A2M: variants seen among roughly 807,000 people sequenced by gnomAD.
A2M encodes the protein C3 and PZP-like alpha-2-macroglobulin domain-containing protein 5.
A2M carries 128 observed loss-of-function variants against 183.9 expected under a neutral mutation model. That is an observed-to-expected ratio of 0.70 (90% confidence interval 0.60 to 0.81). A2M has a LOEUF of 0.81. Ranked by LOEUF, A2M falls within the 30% of genes least tolerant of loss-of-function variation. The pLI, the probability that A2M is intolerant of heterozygous loss-of-function variation, is 0.00. For synonymous variants in A2M, 592 were observed against 670.8 expected, an observed-to-expected ratio of 0.88 and a Z score of 1.81; for missense variants, 1,495 against 1,787.6, an observed-to-expected ratio of 0.84 and a Z score of 2.95.
intron 17 of A2M, 38 bp from the exon 18 acceptor site, chr12:9,093,617 A>C: frequency 8.2e-7 from 1 of 1,218,214 alleles, no homozygotes; most frequent in Non-Finnish European, 1.1e-6. Context: ...CAATAAACAT[A>C]CAGATAAAGC....
chr12:9,109,834 A>G (rs1162377486), intron 6 of A2M, 33 bp downstream of exon 6: 3 of 1,559,024 alleles, frequency 1.9e-6, no homozygotes. Flanking sequence ...ATATGAAGAA[A>G]AATAATGCTT....
At chr12:9,091,016 A>T (rs1406040835) in intron 19 of A2M, among the ~76,000 whole-genome samples, 185 bp downstream of exon 19, 1 of 152,208 alleles carries the variant, frequency 6.6e-6, no homozygotes, top group Non-Finnish European at 1.5e-5. Flanking sequence ...TTGAAGGGTT[A>T]TAAGGGCTAG....
Position 9,098,449 on chromosome 12 carries a change from T to TATATAA in A2M, c.1851+157_1851+158insTTATAT, listed in dbSNP as rs202027484. 95 of 381,456 alleles carry TATATAA rather than the reference T, an allele frequency of 2.5e-4. 1 individual carries two copies. The highest frequency in any genetic ancestry group is 2.0e-3 in the African/African-American group (84 of 42,966). The allele number at this position is 381,456 out of a possible 1,614,324, so 23.6% of individuals were successfully genotyped here. A position where few individuals can be genotyped will look rare whatever the true frequency, so the allele number is the denominator to read the frequency against. Reference sequence around the variant, plus strand: ...GAGTAGTTATATATATATATATATATAATTCCTTACCAATGAAAGCCCACA... The same window carrying TATATAA: ...GAGTAGTTATATATATATATATATATATATAAAATTCCTTACCAATGAAAGCCCACA... On this transcript the variant is annotated intron_variant, in intron 15 of 35. Transcript: ENST00000318602.
At chr12:9,106,638 A>G in intron 8 of A2M, 33 bp from the exon 9 acceptor site, 1 of 1,159,562 alleles carries the variant, frequency 8.6e-7, no homozygotes, top group Non-Finnish European at 1.3e-6. Context: ...ACAAAAATAT[A>G]ATGCATATTA....
At chr12:9,112,726 G>A (rs1938833570) in intron 2 of A2M, 190 bp from the exon 3 acceptor site, 1 of 588,622 alleles carries the variant, frequency 1.7e-6, no homozygotes, top group Non-Finnish European at 3.0e-6. Flanking sequence ...GACACAAGGT[G>A]GAGGAAAATA....
intron 1 of A2M, chr12:9,115,309 A>G (rs904346601): frequency 6.4e-6 from 1 of 155,132 alleles, no homozygotes; most frequent in African/African-American, 2.4e-5. Flanking sequence ...TGCTTTTTCA[A>G]TATCAACACC....
At chr12:9,093,874 C>T (rs1046302771) in intron 17 of A2M, among the ~76,000 whole-genome samples, 1 of 151,682 alleles carries the variant, frequency 6.6e-6, no homozygotes, top group Non-Finnish European at 1.5e-5. Context: ...ACCTGAGCGA[C>T]AGAGTGAGAC....
Position 9,089,962 on chromosome 12 carries a change from C to T in A2M, c.2658G>A (p.Glu886=), listed in dbSNP as rs777427583. 4 of 1,612,250 alleles carry T rather than the reference C, an allele frequency of 2.5e-6. No homozygotes were observed. The highest frequency in any genetic ancestry group is 2.2e-5 in the South Asian group (2 of 90,888). The part of the protein sequence containing the change: ...ALESQELCGT[E]VPSVPEHGRK... ...TTCCGTGTTCAGGAACTGAAGGCAC[C>T]TCAGTCCCACACAGCTCTTGAGACT... The change falls in exon 21 of 36, where the codon GAG becomes GAA. Residue 886 remains glutamate, a synonymous_variant. Coordinates refer to ENST00000318602, the MANE Select transcript of A2M (RefSeq NM_000014.6).
intron 31 of A2M, among the ~76,000 whole-genome samples, chr12:9,071,733 G>C (rs1164485569): frequency 6.6e-6 from 1 of 152,130 alleles, no homozygotes; most frequent in African/African-American, 2.4e-5. Context: ...CAAGGATAAT[G>C]ACCTCCATCT....
chr12:9,114,985 T>C (rs1461782605), intron 1 of A2M, among the ~76,000 whole-genome samples: 1 of 152,224 alleles, frequency 6.6e-6, no homozygotes, highest in Non-Finnish European at 1.5e-5. Flanking sequence ...CCAGTGAATT[T>C]ATGCATCCAT....
At chr12:9,090,617 T>G in intron 19 of A2M, 135 bp from the exon 20 acceptor site, 1 of 858,044 alleles carries the variant, frequency 1.2e-6, no homozygotes, top group Non-Finnish European at 1.8e-6. Flanking sequence ...GAAGATCAAG[T>G]ACCTGAAATA....
chr12:9,093,339 A>G (rs1949267349), intron 18 of A2M, 126 bp downstream of exon 18: 1 of 660,328 alleles, frequency 1.5e-6, no homozygotes, highest in Non-Finnish European at 2.7e-6. Flanking sequence ...GTGTATATAT[A>G]TATATCAAAA....
intron 15 of A2M, 137 bp downstream of exon 15, chr12:9,098,470 C>G (rs1412516717): frequency 2.4e-6 from 2 of 839,514 alleles, no homozygotes. Context: ...CAATGAAAGC[C>G]CACAAGAGAG....
chr12:9,070,813 C>T (rs928123274), intron 31 of A2M, among the ~76,000 whole-genome samples: 1 of 146,244 alleles, frequency 6.8e-6, no homozygotes, highest in African/African-American at 2.6e-5. Context: ...TGTATGGGGG[C>T]TGAGGATCTG....
At chr12:9,116,138 C>A, upstream of A2M, 1 of 394,660 alleles carries the variant, frequency 2.5e-6, no homozygotes. Flanking sequence ...TTTTACCGTA[C>A]AGCAGCTAAT....
Position 9,109,328 on chromosome 12 carries a change from A to T in A2M, c.751T>A (p.Cys251Ser), listed in dbSNP as rs1464716346. The T allele has an allele frequency of 6.2e-7, 1 of 1,611,570 alleles. No individual in the cohort carries two copies. The highest frequency in any genetic ancestry group is 2.2e-5 in the East Asian group (1 of 44,842). Residue 251 changes from cysteine (C) to serine (S), a missense_variant, in exon 7 of 36, where the codon TGT becomes AGT. Transcript: ENST00000318602. ...TTTAAAAAATGAACTCACAGGCCACACACTGATACATTCATCTCTTCTTCC... is the reference window on the plus strand; with the variant it reads ...TTTAAAAAATGAACTCACAGGCCACTCACTGATACATTCATCTCTTCTTCC... ...ILEEEMNVSV[C>S]GLYTYGKPVP...
chr12:9,101,150 C>T lies in A2M; in HGVS notation c.1552G>A (p.Glu518Lys), dbSNP rs1396060462. 1 of 1,559,622 alleles carries T rather than the reference C, an allele frequency of 6.4e-7. No individual in the cohort carries two copies. Among genetic ancestry groups the T allele is most frequent in the Admixed American group, 1.9e-5 (1 of 52,164 alleles). Residue 518 changes from glutamate (E) to lysine (K), a missense_variant, in exon 13 of 36, where the codon GAA becomes AAA. Glu to Lys is a moderately conservative substitution (Grantham distance 56). Transcript: ENST00000318602. Reference sequence around the variant, plus strand: ...AGATGATGGAAATACTCACTGTCTTCCTGCTTCACAAGCAGTCCATGAGTC... The same window carrying T: ...AGATGATGGAAATACTCACTGTCTTTCTGCTTCACAAGCAGTCCATGAGTC... Reference protein sequence around the residue: ...TGTHGLLVKQEDMKGHFSISI... With the variant: ...TGTHGLLVKQKDMKGHFSISI...
intron 1 of A2M, among the ~76,000 whole-genome samples, chr12:9,113,746 C>T (rs1938923615): frequency 6.6e-6 from 1 of 152,140 alleles, no homozygotes; most frequent in African/African-American, 2.4e-5. Context: ...GAACATTTTA[C>T]TTGAGGTAGG....
rs201382604 is a variant in A2M at position 9,068,757 on chromosome 12, T to C, written c.4349A>G (p.Tyr1450Cys). 6.2e-7 allele frequency: 1 copy of C among 1,605,732 alleles called. No individual in the cohort carries two copies. Among genetic ancestry groups the C allele is most frequent in the Non-Finnish European group, 8.5e-7 (1 of 1,175,700 alleles). Residue 1450 changes from tyrosine to cysteine, a missense_variant, in exon 34 of 36, where the codon TAT (tyrosine) becomes TGT (cysteine). Transcript: ENST00000318602. The stretch of plus-strand genomic sequence containing the variant: ...TCACTCACCCGTCTCGTAGTAATCA[T>C]AGACTTTCACTATGGCTGGTTTCAG... ...RDLKPAIVKV[Y>C]DYYETDEFAI...
Sources: gnomAD v4.1 joint callset for allele counts (sites outside exome capture counted in the v4.1 genomes callset) on GRCh38, gnomAD v4.1.1 for gene constraint, MANE v1.5 for transcripts, NCBI Gene and HGNC (gene_info 2026-07-23, HGNC 2026-07-21) for gene names.